Variants in PRKCA observed in about 807,000 individuals in gnomAD.
PRKCA encodes protein kinase C alpha, also known as protein kinase C alpha type.
Under a neutral mutation model 87.0 loss-of-function variants are expected in PRKCA, and 27 were observed. The observed-to-expected ratio is 0.31, with a 90% CI of 0.23 to 0.43. PRKCA has a LOEUF of 0.43. Among genes scored for constraint, PRKCA ranks in the 20% least tolerant of loss-of-function variants. The probability of loss-of-function intolerance (pLI) is 1.00; values close to 1 mark genes in which losing one functional copy is unlikely to be tolerated. For synonymous variants in PRKCA, 329 were observed against 311.1 expected, an observed-to-expected ratio of 1.06 and a Z score of -0.61; for missense variants, 518 against 852.3, an observed-to-expected ratio of 0.61 and a Z score of 4.88.
intron 3 of PRKCA, among the ~76,000 whole-genome samples, chr17:66,533,185 C>T (rs1160081293): frequency 6.6e-6 from 1 of 152,222 alleles, no homozygotes. Flanking sequence ...CCTAAAACAG[C>T]AGTAAAGTCA....
At chr17:66,401,509 A>G (rs915742915) in intron 2 of PRKCA, among the ~76,000 whole-genome samples, 3 of 152,192 alleles carry the variant, frequency 2.0e-5, no homozygotes, top group Non-Finnish European at 4.4e-5. Context: ...TTATGCAATC[A>G]TTGATGGAAA....
At chr17:66,749,725 C>T (rs1465096679) in intron 13 of PRKCA, among the ~76,000 whole-genome samples, 1 of 152,124 alleles carries the variant, frequency 6.6e-6, no homozygotes, top group Non-Finnish European at 1.5e-5. Context: ...GATGTGGCCA[C>T]CTAGGAATCT....
rs754739482 is a variant in PRKCA at position 66,496,156 on chromosome 17, T to G, written c.206-45T>G. The stretch of plus-strand genomic sequence containing the variant: ...CTGTTTGGAAAATAAAGCTCGTATG[T>G]TAAATCATGTCTATTCTAATTTTAG... On this transcript the variant is annotated intron_variant, in intron 2 of 16. Coordinates refer to ENST00000413366, the MANE Select transcript of PRKCA (RefSeq NM_002737.3). The G allele has an allele frequency of 3.4e-6, 5 of 1,466,162 alleles. No individual in the cohort carries two copies. The East Asian group carries it at 9.1e-5, about 27-fold the overall frequency. 90.8% of individuals were successfully genotyped at this position (1,466,162 alleles called of 1,614,324 possible).
At chr17:66,452,587 A>C (rs1914378763) in intron 2 of PRKCA, among the ~76,000 whole-genome samples, 1 of 152,098 alleles carries the variant, frequency 6.6e-6, no homozygotes, top group Non-Finnish European at 1.5e-5. Flanking sequence ...TTCCTATTGC[A>C]CTGAAGCCTT....
chr17:66,544,773 A>G (rs187452992), intron 3 of PRKCA, among the ~76,000 whole-genome samples: 25 of 152,000 alleles, frequency 1.6e-4, no homozygotes, highest in Admixed American at 1.3e-3. Context: ...TTGTATTTTT[A>G]GTAGAGATGG....
intron 5 of PRKCA, among the ~76,000 whole-genome samples, chr17:66,677,643 T>A (rs1360206222): frequency 6.6e-6 from 1 of 152,150 alleles, no homozygotes; most frequent in Non-Finnish European, 1.5e-5. Flanking sequence ...CAGGACTGAG[T>A]TGCACTCCTG....
chr17:66,344,017 G>T (rs1380240119), intron 2 of PRKCA, among the ~76,000 whole-genome samples: 1 of 152,028 alleles, frequency 6.6e-6, no homozygotes, highest in Admixed American at 6.5e-5. Context: ...CTGGGGAGAG[G>T]TTCCTTCCAT....
chr17:66,735,358 TA>T, intron 9 of PRKCA, 130 bp from the exon 10 acceptor site: 3 of 937,618 alleles, frequency 3.2e-6, no homozygotes, highest in Non-Finnish European at 4.9e-6. Context: ...ACATAAAGTT[TA>T]ATATTTTTAT....
intron 14 of PRKCA, among the ~76,000 whole-genome samples, chr17:66,780,171 A>G (rs1211730768): frequency 6.6e-6 from 1 of 152,068 alleles, no homozygotes; most frequent in African/African-American, 2.4e-5. Context: ...AGAGAAGAAA[A>G]CAATGATATG....
intron 2 of PRKCA, among the ~76,000 whole-genome samples, chr17:66,425,860 G>A (rs1282816527): frequency 3.3e-5 from 5 of 152,140 alleles, no homozygotes; most frequent in Non-Finnish European, 1.5e-5. Flanking sequence ...GGTGGTGCCG[G>A]TTAGGAGGAG....
intron 8 of PRKCA, among the ~76,000 whole-genome samples, chr17:66,729,780 C>CTTTTTT (rs60247180): frequency 3.9e-4 from 41 of 105,072 alleles, no homozygotes; most frequent in African/African-American, 5.4e-4. Flanking sequence ...GCGAGTTATT[C>CTTTTTT]TTTTTTTTTT....
intron 2 of PRKCA, among the ~76,000 whole-genome samples, chr17:66,464,003 C>T (rs1282594623): frequency 1.3e-5 from 2 of 152,074 alleles, no homozygotes; most frequent in African/African-American, 4.8e-5. Flanking sequence ...TTTTCACTGC[C>T]CTAAAGATCT....
rs190858908 is a variant in PRKCA at position 66,540,428 on chromosome 17, G to C, written c.288+44145G>C. ...GGCGTGTGCTGGTTTTGCTGCTTTGGGGGTGAGGAGAGGATGAATAATCCA... is the reference window on the plus strand; with the variant it reads ...GGCGTGTGCTGGTTTTGCTGCTTTGCGGGTGAGGAGAGGATGAATAATCCA... On this transcript the variant is annotated intron_variant, in intron 3 of 16. Coordinates refer to ENST00000413366, the MANE Select transcript of PRKCA (RefSeq NM_002737.3). Among the ~76,000 whole-genome samples the C allele has an allele frequency of 3.6e-3, 541 of 152,276 alleles. 1 individual carries two copies. The highest frequency in any genetic ancestry group is 4.1e-3 in the Non-Finnish European group (281 of 68,010).
chr17:66,399,302 A>G (rs1392146477), intron 2 of PRKCA, among the ~76,000 whole-genome samples: 2 of 151,758 alleles, frequency 1.3e-5, no homozygotes, highest in Non-Finnish European at 2.9e-5. Flanking sequence ...TCTGGTCTTG[A>G]ACTCCTGAGC....
chr17:66,398,765 C>A (rs1220507070), intron 2 of PRKCA, among the ~76,000 whole-genome samples: 37 of 152,052 alleles, frequency 2.4e-4, no homozygotes, highest in Admixed American at 2.4e-3. Flanking sequence ...CTCATATGTT[C>A]TTTTGATAAG....
At chr17:66,649,452 C>A (rs1266907488) in intron 5 of PRKCA, among the ~76,000 whole-genome samples, 1 of 152,216 alleles carries the variant, frequency 6.6e-6, no homozygotes, top group South Asian at 2.1e-4. Context: ...ACTCCCCAAC[C>A]AATCCCATGA....
At chr17:66,572,441 T>A (rs897216745) in intron 3 of PRKCA, among the ~76,000 whole-genome samples, 16 of 151,838 alleles carry the variant, frequency 1.1e-4, no homozygotes, top group African/African-American at 3.6e-4. Flanking sequence ...CACTCCAGTC[T>A]GGGCCACAGA....
chr17:66,555,730 AT>A (rs5821517), intron 3 of PRKCA, among the ~76,000 whole-genome samples: 15 of 150,384 alleles, frequency 1.0e-4, no homozygotes, highest in Admixed American at 1.3e-4. Context: ...TTAAAAAAAA[AT>A]TTTTTTTTTA....
chr17:66,652,908 C>A (rs1357127859), intron 5 of PRKCA, among the ~76,000 whole-genome samples: 1 of 152,242 alleles, frequency 6.6e-6, no homozygotes, highest in East Asian at 1.9e-4. Flanking sequence ...GGATGGCAGA[C>A]CAAAGGAGAC....
Sources: gnomAD v4.1 joint callset for allele counts (sites outside exome capture counted in the v4.1 genomes callset) on GRCh38, gnomAD v4.1.1 for gene constraint, MANE v1.5 for transcripts, NCBI Gene and HGNC (gene_info 2026-07-23, HGNC 2026-07-21) for gene names.